The following FAT4 variants were observed in gnomAD, a reference collection of about 807,000 sequenced individuals.
FAT4 encodes the protein protocadherin Fat 4.
Under a neutral mutation model 303.9 loss-of-function variants are expected in FAT4, and 84 were observed. That is an observed-to-expected ratio of 0.28 (90% CI 0.23 to 0.33). FAT4 has a LOEUF of 0.33. FAT4 is among the 10% of genes least tolerant of loss of function. The pLI is 1.00. For missense variants in FAT4, 6,005 were observed against 6,146.8 expected (o/e 0.98, Z 0.77); for synonymous variants, 2,307 against 2,298.8 (o/e 1.00, Z -0.10).
In FAT4 at chr4:125,318,859, T is replaced by G. The variant is rs2125941739; in HGVS notation, c.2448T>G (p.Ser816=). Residue 816 remains serine (S), a synonymous_variant, in exon 2 of 18, where the codon TCT becomes TCG. Transcript: ENST00000394329. ...VALGYHVGSV[S]ASTMDLNSNI... is the part of the protein sequence containing the mutation. ...TGGGATATCATGTGGGTAGTGTGTC[T>G]GCATCCACCATGGATCTCAATTCCA... 1 of 1,614,192 alleles carries G rather than the reference T, an allele frequency of 6.2e-7. No individual in the cohort carries two copies. The highest frequency in any genetic ancestry group is 1.3e-5 in the African/African-American group (1 of 75,054).
intron 12 of FAT4, among the ~76,000 whole-genome samples, chr4:125,475,807 T>G (rs1727007938): frequency 6.6e-6 from 1 of 152,124 alleles, no homozygotes; most frequent in Non-Finnish European, 1.5e-5. Flanking sequence ...GACAGTACAA[T>G]AAACACGTTT....
chr4:125,480,989 A>G (rs542531493), intron 15 of FAT4, among the ~76,000 whole-genome samples: 57 of 152,120 alleles, frequency 3.7e-4, no homozygotes, highest in Non-Finnish European at 7.5e-4. Flanking sequence ...TCAGATTACA[A>G]TAAACTATAA....
intron 12 of FAT4, among the ~76,000 whole-genome samples, chr4:125,470,216 T>C (rs1018347433): frequency 3.3e-5 from 5 of 152,192 alleles, no homozygotes; most frequent in African/African-American, 1.2e-4. Flanking sequence ...ACAGATGCAC[T>C]GTCATCCAGG....
intron 2 of FAT4, among the ~76,000 whole-genome samples, chr4:125,366,067 T>C (rs914414413): frequency 6.6e-6 from 1 of 152,128 alleles, no homozygotes; most frequent in Non-Finnish European, 1.5e-5. Context: ...TTATGAGACC[T>C]GCCCCACCCT....
intron 16 of FAT4, among the ~76,000 whole-genome samples, chr4:125,486,275 A>G (rs908843924): frequency 7.3e-6 from 1 of 136,682 alleles, no homozygotes; most frequent in African/African-American, 2.7e-5. Context: ...TTTTTTTTTT[A>G]GTTTGGTACT....
intron 10 of FAT4, 28 bp from the exon 11 acceptor site, chr4:125,463,535 A>T (rs773735435): frequency 4.8e-5 from 68 of 1,409,758 alleles, no homozygotes; most frequent in South Asian, 2.0e-4. Context: ...TATGAGATTT[A>T]AAAAAAACTG....
At position 125,315,230 on chromosome 4, in the gene FAT4, C is replaced by A. The variant is rs574049525; in HGVS notation, c.-760C>A. Among the ~76,000 whole-genome samples the A allele has an allele frequency of 1.3e-5, 2 of 151,768 alleles. No homozygotes were observed. The highest frequency in any genetic ancestry group is 2.9e-5 in the Non-Finnish European group (2 of 67,950). ...CGAGAGGGAGAGCGCTGACAGGCGCCGTCCGGAGCTGCGGAGGGCGTCACT... is the reference window on the plus strand; with the variant it reads ...CGAGAGGGAGAGCGCTGACAGGCGCAGTCCGGAGCTGCGGAGGGCGTCACT... On this transcript the variant is annotated 5_prime_UTR_variant, in exon 1 of 18. Coordinates refer to ENST00000394329, the MANE Select transcript of FAT4 (RefSeq NM_001291303.3).
intron 8 of FAT4, among the ~76,000 whole-genome samples, chr4:125,438,712 T>C (rs1725544552): frequency 6.6e-6 from 1 of 152,222 alleles, no homozygotes; most frequent in South Asian, 2.1e-4. Context: ...TAAATAGTTA[T>C]TATAACCTCA....
At position 125,415,351 on chromosome 4, in the gene FAT4, G is replaced by A. The variant is rs1443241706; in HGVS notation, c.6388G>A (p.Gly2130Ser). The A allele has an allele frequency of 6.2e-7, 1 of 1,614,006 alleles. No homozygotes were observed. The highest frequency in any genetic ancestry group is 1.7e-5 in the Admixed American group (1 of 59,990). The change falls in exon 6 of 18, where the codon GGT (glycine) becomes AGT (serine). Residue 2130 changes from glycine to serine, a missense_variant. Transcript: ENST00000394329. ...YTLTVVATDK[G>S]QPSLSSSTEV... ...TCTAACAGTGGTGGCTACAGACAAAGGTCAACCATCTCTCTCTTCATCTAC... is the reference window on the plus strand; with the variant it reads ...TCTAACAGTGGTGGCTACAGACAAAAGTCAACCATCTCTCTCTTCATCTAC...
At chr4:125,342,714 ATTTT>A (rs1284952332) in intron 2 of FAT4, among the ~76,000 whole-genome samples, 1 of 139,474 alleles carries the variant, frequency 7.2e-6, no homozygotes, top group African/African-American at 2.5e-5. Context: ...TTTGAATTTT[ATTTT>A]TTTATTACAA....
chr4:125,442,291 A>T (rs1725686567), intron 8 of FAT4, among the ~76,000 whole-genome samples: 1 of 152,066 alleles, frequency 6.6e-6, no homozygotes, highest in Non-Finnish European at 1.5e-5. Flanking sequence ...TTACTGTTTC[A>T]TAGCACTTTA....
chr4:125,329,885 A>G (rs1036253057), intron 2 of FAT4, among the ~76,000 whole-genome samples: 6 of 152,112 alleles, frequency 3.9e-5, no homozygotes, highest in African/African-American at 1.4e-4. Flanking sequence ...CACCCTACTT[A>G]CAACCTTTCA....
At chr4:125,377,341 CA>C (rs1194849513) in intron 2 of FAT4, among the ~76,000 whole-genome samples, 3 of 151,212 alleles carry the variant, frequency 2.0e-5, no homozygotes, top group Non-Finnish European at 4.4e-5. Flanking sequence ...CAAAAAAAAA[CA>C]AAAAGCTATT....
intron 12 of FAT4, among the ~76,000 whole-genome samples, chr4:125,470,119 G>C (rs1578681829): frequency 6.6e-6 from 1 of 152,130 alleles, no homozygotes; most frequent in Admixed American, 6.5e-5. Flanking sequence ...CATTGTCAGT[G>C]AGCAGTAATA....
rs1393793660 is a variant in FAT4 at position 125,316,562 on chromosome 4, G to A, written c.151G>A (p.Val51Met). 3.1e-6 allele frequency: 5 copies of A among 1,613,932 alleles called. No individual in the cohort carries two copies. The highest frequency in any genetic ancestry group is 4.2e-6 in the Non-Finnish European group (5 of 1,180,048). Residue 51 changes from valine (V) to methionine (M), a missense_variant, in exon 2 of 18, where the codon GTG becomes ATG. Val to Met is a conservative substitution (Grantham distance 21). Coordinates refer to ENST00000394329, the MANE Select transcript of FAT4 (RefSeq NM_001291303.3). This position sits in a 1 kb window ranked among gnomAD's most constrained non-coding sequence, Gnocchi z 5.7. ...GGCCGAGCCGCGCCAGGTGTTCCAA[G>A]TGCTGGAAGAGCAACCTCCAGGCAC... Reference protein sequence around the residue: ...HGAEPRQVFQVLEEQPPGTLV... With the variant: ...HGAEPRQVFQMLEEQPPGTLV...
chr4:125,460,748 A>T (rs979332183), intron 10 of FAT4, among the ~76,000 whole-genome samples: 3 of 152,058 alleles, frequency 2.0e-5, no homozygotes, highest in African/African-American at 7.2e-5. Context: ...TTGCACATTC[A>T]TTTGTATGTG....
intron 2 of FAT4, among the ~76,000 whole-genome samples, chr4:125,377,275 C>T (rs908760131): frequency 5.9e-5 from 9 of 151,868 alleles, no homozygotes; most frequent in Non-Finnish European, 1.2e-4. Flanking sequence ...TTACTATTTA[C>T]TTTTATATTT....
chr4:125,411,543 T>C (rs1734841569), intron 5 of FAT4, among the ~76,000 whole-genome samples: 2 of 151,774 alleles, frequency 1.3e-5, no homozygotes. Flanking sequence ...CTGATGACCT[T>C]GTTGAAACTG....
At chr4:125,401,791 A>G (rs916612237) in intron 3 of FAT4, among the ~76,000 whole-genome samples, 4 of 151,852 alleles carry the variant, frequency 2.6e-5, no homozygotes, top group Non-Finnish European at 5.9e-5. Context: ...GCTTCGTGGT[A>G]CCATACATGT....
Sources: gnomAD v4.1 joint callset for allele counts (sites outside exome capture counted in the v4.1 genomes callset) on GRCh38, gnomAD v4.1.1 for gene constraint, Gnocchi (gnomAD v3.1) non-coding constraint, MANE v1.5 for transcripts, NCBI Gene and HGNC (gene_info 2026-07-23, HGNC 2026-07-21) for gene names.